The following MAPK10 variants were observed in gnomAD, a reference collection of about 807,000 sequenced individuals.
MAPK10 encodes the protein JNK3 alpha protein kinase.
A neutral mutation model predicts 59.3 loss-of-function variants in MAPK10; 25 were observed. The observed-to-expected ratio is 0.42, with a 90% CI of 0.31 to 0.59. The LOEUF is 0.59. Ranked by LOEUF, MAPK10 falls within the 20% of genes least tolerant of loss-of-function variation. The pLI is 0.15. For synonymous variants in MAPK10, 190 were observed against 200.5 expected, an observed-to-expected ratio of 0.95 and a Z score of 0.44; for missense variants, 351 against 568.9, an observed-to-expected ratio of 0.62 and a Z score of 3.90.
At chr4:86,170,255 C>T (rs188292758) in intron 3 of MAPK10, among the ~76,000 whole-genome samples, 2 of 152,080 alleles carry the variant, frequency 1.3e-5, no homozygotes, top group Non-Finnish European at 2.9e-5. Flanking sequence ...AATTAAAAGA[C>T]ACAGACTGGC....
At chr4:86,037,651 G>A (rs2040618731) in intron 11 of MAPK10, among the ~76,000 whole-genome samples, 1 of 152,076 alleles carries the variant, frequency 6.6e-6, no homozygotes, top group Non-Finnish European at 1.5e-5. Context: ...AGATACATGG[G>A]AAGTATCTTT....
At chr4:86,051,645 C>T (rs77948355) in intron 11 of MAPK10, among the ~76,000 whole-genome samples, 56 of 152,314 alleles carry the variant, frequency 3.7e-4, no homozygotes, top group East Asian at 2.1e-3. Context: ...TTAATGATTA[C>T]ACTTTCTGAT....
intron 1 of MAPK10, among the ~76,000 whole-genome samples, chr4:86,564,225 T>C (rs992269256): frequency 2.0e-5 from 3 of 152,206 alleles, no homozygotes; most frequent in African/African-American, 7.2e-5. Flanking sequence ...AAAGCAAAAC[T>C]ATTGATAAGA....
intron 1 of MAPK10, among the ~76,000 whole-genome samples, chr4:86,511,804 AG>A (rs1414885179): frequency 1.3e-5 from 2 of 149,508 alleles, no homozygotes; most frequent in Non-Finnish European, 3.0e-5. Flanking sequence ...AAAGGAAGGA[AG>A]GAAGGAAACA....
chr4:86,172,815 AC>A (rs2074649632), intron 3 of MAPK10, among the ~76,000 whole-genome samples: 1 of 151,926 alleles, frequency 6.6e-6, no homozygotes, highest in African/African-American at 2.4e-5. Context: ...ATTCCTATAC[AC>A]CAACAATAGG....
At chr4:86,383,592 G>A (rs913041175) in intron 1 of MAPK10, among the ~76,000 whole-genome samples, 2 of 152,140 alleles carry the variant, frequency 1.3e-5, no homozygotes, top group African/African-American at 4.8e-5. Flanking sequence ...AATAGTTATT[G>A]TACTTTTATA....
intron 3 of MAPK10, among the ~76,000 whole-genome samples, chr4:86,162,128 C>T (rs1444924688): frequency 2.6e-5 from 4 of 151,762 alleles, no homozygotes; most frequent in Non-Finnish European, 5.9e-5. Context: ...AGATAAGGTT[C>T]AGTCTAGAAT....
intron 1 of MAPK10, among the ~76,000 whole-genome samples, chr4:86,380,872 A>AC (rs1478526103): frequency 6.6e-6 from 1 of 151,516 alleles, no homozygotes; most frequent in Non-Finnish European, 1.5e-5. Context: ...AAAAAAAAAA[A>AC]AAACACTGGA....
At chr4:86,158,315 C>A (rs745648572) in intron 4 of MAPK10, among the ~76,000 whole-genome samples, 1 of 151,776 alleles carries the variant, frequency 6.6e-6, no homozygotes, top group African/African-American at 2.4e-5. Context: ...TTGATCTTAG[C>A]CCCACTGGGC....
intron 1 of MAPK10, among the ~76,000 whole-genome samples, chr4:86,440,285 A>G (rs769729441): frequency 6.6e-6 from 1 of 152,190 alleles, no homozygotes; most frequent in Non-Finnish European, 1.5e-5. Flanking sequence ...AGCTATATAT[A>G]TTTATACACA....
At chr4:86,258,665 G>A (rs114550731) in intron 2 of MAPK10, among the ~76,000 whole-genome samples, 5,361 of 152,000 alleles carry the variant, frequency 0.035, 111 homozygotes, top group South Asian at 0.041. Flanking sequence ...TGTTGACTCC[G>A]AACTTCAAAA....
At chr4:86,076,442 A>G (rs893049913) in intron 9 of MAPK10, among the ~76,000 whole-genome samples, 5 of 152,182 alleles carry the variant, frequency 3.3e-5, no homozygotes, top group African/African-American at 1.2e-4. Context: ...TATAATAACA[A>G]TTAACCTAAC....
At chr4:86,092,919 A>G (rs1289307260) in intron 9 of MAPK10, among the ~76,000 whole-genome samples, 1 of 152,072 alleles carries the variant, frequency 6.6e-6, no homozygotes, top group Non-Finnish European at 1.5e-5. Flanking sequence ...TTCACTTGCA[A>G]CTGTAACAAT....
chr4:86,439,503 C>T (rs1259208124), intron 1 of MAPK10, among the ~76,000 whole-genome samples: 3 of 152,164 alleles, frequency 2.0e-5, no homozygotes, highest in Admixed American at 6.5e-5. Context: ...CAGATGAGAA[C>T]ATTTGGGTTG....
At chr4:86,589,509 C>G (rs1762871464) in intron 1 of MAPK10, among the ~76,000 whole-genome samples, 1 of 151,934 alleles carries the variant, frequency 6.6e-6, no homozygotes, top group Non-Finnish European at 1.5e-5. Flanking sequence ...TGGTGAAACC[C>G]CATCTCTACT....
intron 2 of MAPK10, among the ~76,000 whole-genome samples, chr4:86,234,632 C>T (rs1166575291): frequency 6.6e-6 from 1 of 152,082 alleles, no homozygotes; most frequent in Non-Finnish European, 1.5e-5. Context: ...CTCCAAGCAA[C>T]TGAATAATAA....
At chr4:86,545,503 T>C (rs1232559524) in intron 1 of MAPK10, among the ~76,000 whole-genome samples, 1 of 152,148 alleles carries the variant, frequency 6.6e-6, no homozygotes, top group Non-Finnish European at 1.5e-5. Context: ...ATTACTAAAA[T>C]AGCTTCTGAG....
chr4:86,133,603 T>C (rs1388849746), intron 4 of MAPK10, among the ~76,000 whole-genome samples: 1 of 152,162 alleles, frequency 6.6e-6, no homozygotes, highest in Non-Finnish European at 1.5e-5. Flanking sequence ...GTGTCTACAG[T>C]TTTATGTTTA....
chr4:86,386,407 C>T (rs936916431), intron 1 of MAPK10, among the ~76,000 whole-genome samples: 2 of 152,144 alleles, frequency 1.3e-5, no homozygotes, highest in African/African-American at 4.8e-5. Context: ...GAGCCTAAAT[C>T]CCTGTGGAGA....
Sources: allele counts gnomAD v4.1 joint callset (sites outside exome capture counted in the v4.1 genomes callset), GRCh38; gene constraint gnomAD v4.1.1; transcripts MANE v1.5; gene names NCBI Gene and HGNC (gene_info 2026-07-23, HGNC 2026-07-21).